The following DNAH9 variants were observed in gnomAD, a reference collection of about 807,000 sequenced individuals.
DNAH9 encodes dynein axonemal heavy chain 9.
Under a neutral mutation model 471.6 loss-of-function variants are expected in DNAH9, and 345 were observed. That is an observed-to-expected ratio of 0.73 (90% confidence interval 0.67 to 0.80). DNAH9 has a LOEUF of 0.80. Among genes scored for constraint, DNAH9 ranks in the 30% least tolerant of loss-of-function variants. The probability of loss-of-function intolerance (pLI) is 0.00; values close to 1 mark genes in which losing one functional copy is unlikely to be tolerated. For synonymous variants in DNAH9, 2,093 were observed against 2,123.6 expected, an observed-to-expected ratio of 0.99 and a Z score of 0.40; for missense variants, 5,407 against 5,609.2, an observed-to-expected ratio of 0.96 and a Z score of 1.15.
chr17:11,764,946 T>C (rs1433081508), intron 36 of DNAH9, among the ~76,000 whole-genome samples: 1 of 152,188 alleles, frequency 6.6e-6, no homozygotes, highest in Non-Finnish European at 1.5e-5. Flanking sequence ...CACAATAAAG[T>C]GATTTTAAAA....
At position 11,680,713 on chromosome 17, in the gene DNAH9, T is replaced by A; in HGVS notation, c.3577-10T>A. ...TTGGGAATCTGACCACACTGAGGTT[T>A]CCTTTGCAGGAGCTGCCTGAGAAAT... On this transcript the variant is annotated splice_polypyrimidine_tract_variant and intron_variant, in intron 18 of 68. Transcript: ENST00000262442. 4 of 1,613,748 alleles carry A rather than the reference T, an allele frequency of 2.5e-6. No homozygotes were observed. Among genetic ancestry groups the A allele is most frequent in the Non-Finnish European group, 3.4e-6 (4 of 1,179,788 alleles).
At chr17:11,731,607 T>A (rs1156683620) in intron 28 of DNAH9, among the ~76,000 whole-genome samples, 15 of 141,522 alleles carry the variant, frequency 1.1e-4, no homozygotes, top group Non-Finnish European at 1.8e-4. Flanking sequence ...TGTCCATGTG[T>A]TCTCTTTGTT....
rs201219878 is a variant in DNAH9 at position 11,937,426 on chromosome 17, G to A, written c.12564G>A (p.Leu4188=). The change falls in exon 66 of 69, where the codon CTG becomes CTA. Residue 4188 remains leucine, a synonymous_variant. Coordinates refer to ENST00000262442, the MANE Select transcript of DNAH9 (RefSeq NM_001372.4). The surrounding 1 kb of genome is among the most constrained non-coding windows in gnomAD (Gnocchi z 4.1). The part of the protein sequence containing the change: ...GLHPNAEIGF[L]TQTSEKLFRT... ...ACCCGAACGCAGAGATTGGCTTCCT[G>A]ACCCAAACCTCAGAAAAGCTCTTCC... The A allele has an allele frequency of 1.2e-6, 2 of 1,614,086 alleles. No individual in the cohort carries two copies. Among genetic ancestry groups the A allele is most frequent in the Non-Finnish European group, 1.7e-6 (2 of 1,179,984 alleles).
chr17:11,762,770 G>GTTGTTTTT (rs1967746481), intron 35 of DNAH9, among the ~76,000 whole-genome samples: 5 of 90,744 alleles, frequency 5.5e-5, no homozygotes, highest in Non-Finnish European at 1.1e-4. Flanking sequence ...TTTTTTTTTT[G>GTTGTTTTT]TTTTTTTTTT....
chr17:11,608,132 G>C lies in DNAH9; in HGVS notation c.421G>C (p.Val141Leu). The C allele has an allele frequency of 1.3e-6, 2 of 1,592,074 alleles. No homozygotes were observed. Among genetic ancestry groups the C allele is most frequent in the Non-Finnish European group, 1.7e-6 (2 of 1,165,106 alleles). Residue 141 changes from valine to leucine, a missense_variant, in exon 2 of 69, where the codon GTT (valine) becomes CTT (leucine). Physicochemically the swap from Val to Leu is conservative, Grantham distance 32. Coordinates refer to ENST00000262442, the MANE Select transcript of DNAH9 (RefSeq NM_001372.4). ...TTCCTGTGCACCTCTGTTCCAGGTT[G>C]TTCTACCCGTCCTGGCCAATGAGAA... is the stretch of plus-strand genomic sequence containing the variant. ...EHLAALFSEV[V>L]LPVLANEKNR...
chr17:11,918,310 C>T (rs1479765925), intron 61 of DNAH9, among the ~76,000 whole-genome samples: 1 of 152,094 alleles, frequency 6.6e-6, no homozygotes, highest in Non-Finnish European at 1.5e-5. Flanking sequence ...TGGCTCATTG[C>T]CACCTCTACC....
Position 11,705,107 on chromosome 17 carries a change from T to C in DNAH9, c.5474T>C (p.Ile1825Thr), listed in dbSNP as rs1324428046. The change falls in exon 26 of 69, where the codon ATC (isoleucine) becomes ACC (threonine). Residue 1825 changes from isoleucine to threonine, a missense_variant. By Grantham distance (89) the Ile-to-Thr change is moderately conservative. This residue lies in a region of DNAH9 where 4,636 missense variants were observed against 4,900.3 expected (regional missense o/e 0.95). Coordinates refer to ENST00000262442, the MANE Select transcript of DNAH9 (RefSeq NM_001372.4). ...GAGGTCAAACACTGCTTTGCCAACA[T>C]CTGTGATGCCCAGTTTTTGTATTCC... is the stretch of plus-strand genomic sequence containing the variant. ...DDEVKHCFAN[I>T]CDAQFLYSYE... 3 of 1,614,152 alleles carry C rather than the reference T, an allele frequency of 1.9e-6. No individual in the cohort carries two copies. Among genetic ancestry groups the C allele is most frequent in the Non-Finnish European group, 2.5e-6 (3 of 1,179,972 alleles).
intron 59 of DNAH9, among the ~76,000 whole-genome samples, chr17:11,902,364 G>A (rs1283291496): frequency 6.6e-6 from 1 of 152,184 alleles, no homozygotes; most frequent in Non-Finnish European, 1.5e-5. Flanking sequence ...GGAGGAAAGG[G>A]AGAAGTCACT....
At chr17:11,664,722 C>A (rs1027306080) in intron 14 of DNAH9, 111 bp from the exon 15 acceptor site, 2 of 879,548 alleles carry the variant, frequency 2.3e-6, no homozygotes, top group Non-Finnish European at 3.5e-6. Context: ...ATAGCAAATT[C>A]TCCACAAGAG....
chr17:11,839,804 C>T (rs1970969651), intron 49 of DNAH9, among the ~76,000 whole-genome samples: 1 of 152,092 alleles, frequency 6.6e-6, no homozygotes, highest in Admixed American at 6.6e-5. Context: ...AAATGATTGC[C>T]ACAGTCAAGC....
chr17:11,684,753 G>C (rs1449297142), intron 19 of DNAH9, among the ~76,000 whole-genome samples: 1 of 152,130 alleles, frequency 6.6e-6, no homozygotes, highest in South Asian at 2.1e-4. Flanking sequence ...ATCTTCCATG[G>C]GGTGCTGTCC....
intron 12 of DNAH9, among the ~76,000 whole-genome samples, chr17:11,649,972 A>G (rs2073470513): frequency 2.0e-5 from 3 of 152,302 alleles, no homozygotes; most frequent in South Asian, 4.1e-4. Context: ...TTGATATTTT[A>G]TGCGCAAAAG....
chr17:11,782,343 G>A (rs530970378), intron 39 of DNAH9, among the ~76,000 whole-genome samples: 2 of 152,264 alleles, frequency 1.3e-5, no homozygotes, highest in East Asian at 1.9e-4. Context: ...TCTCAGAAAT[G>A]TCTATTTCAT....
chr17:11,649,846 G>T (rs1283283946), intron 12 of DNAH9, among the ~76,000 whole-genome samples: 1 of 152,146 alleles, frequency 6.6e-6, no homozygotes, highest in Non-Finnish European at 1.5e-5. Flanking sequence ...GCTAGTGGAA[G>T]TACCCTCTCT....
intron 33 of DNAH9, among the ~76,000 whole-genome samples, chr17:11,755,397 A>G: frequency 6.6e-6 from 1 of 152,184 alleles, no homozygotes. Context: ...CATTGAATCC[A>G]TACAGTGTTT....
chr17:11,819,670 A>G (rs1453209987), intron 45 of DNAH9, among the ~76,000 whole-genome samples: 4 of 152,200 alleles, frequency 2.6e-5, no homozygotes, highest in African/African-American at 7.2e-5. Context: ...TTTAATATCA[A>G]TTTCCTAAAA....
At chr17:11,679,438 A>C (rs2074097788) in intron 17 of DNAH9, among the ~76,000 whole-genome samples, 1 of 152,240 alleles carries the variant, frequency 6.6e-6, no homozygotes, top group Non-Finnish European at 1.5e-5. Context: ...ACAGATTTTG[A>C]GTGCGCTCAG....
intron 32 of DNAH9, among the ~76,000 whole-genome samples, chr17:11,747,994 T>C (rs994237728): frequency 6.6e-6 from 1 of 151,948 alleles, no homozygotes; most frequent in Non-Finnish European, 1.5e-5. Flanking sequence ...AGCTGCCTTT[T>C]AGAGAGTGCA....
intron 38 of DNAH9, among the ~76,000 whole-genome samples, chr17:11,772,006 G>A (rs1968225118): frequency 1.3e-5 from 2 of 152,110 alleles, no homozygotes; most frequent in African/African-American, 4.8e-5. Context: ...GTAAGTTGGG[G>A]AGCCAAGGTT....
Sources: gnomAD v4.1 joint callset for allele counts (sites outside exome capture counted in the v4.1 genomes callset) on GRCh38, gnomAD v4.1.1 for gene constraint, gnomAD v4.1.1 regional missense constraint, Gnocchi (gnomAD v3.1) non-coding constraint, MANE v1.5 for transcripts, NCBI Gene and HGNC (gene_info 2026-07-23, HGNC 2026-07-21) for gene names.